Variants in EXOC4 observed in about 807,000 individuals in gnomAD.
EXOC4 encodes SEC8-like 1.
EXOC4 carries 71 observed loss-of-function variants against 107.2 expected under a neutral mutation model. The ratio of observed to expected loss-of-function variants is 0.66; its 90% CI spans 0.55 to 0.81. The LOEUF is 0.81. EXOC4 is among the 30% of genes least tolerant of loss of function. The pLI, the probability that EXOC4 is intolerant of heterozygous loss-of-function variation, is 0.00. For synonymous variants in EXOC4, 456 were observed against 441.2 expected, an observed-to-expected ratio of 1.03 and a Z score of -0.42; for missense variants, 1,108 against 1,189.6, an observed-to-expected ratio of 0.93 and a Z score of 1.01.
intron 5 of EXOC4, among the ~76,000 whole-genome samples, chr7:133,331,659 G>A (rs932239122): frequency 6.6e-6 from 1 of 151,828 alleles, no homozygotes; most frequent in African/African-American, 2.4e-5. Context: ...TAGAGACGGG[G>A]TTTCACCGTG....
intron 9 of EXOC4, among the ~76,000 whole-genome samples, chr7:133,485,594 A>G (rs1449775765): frequency 6.6e-6 from 1 of 152,084 alleles, no homozygotes; most frequent in Non-Finnish European, 1.5e-5. Flanking sequence ...AAATTTTCTC[A>G]TTGTACTTTT....
chr7:133,274,876 A>T (rs764754591), intron 1 of EXOC4, 106 bp from the exon 2 acceptor site: 40 of 838,118 alleles, frequency 4.8e-5, no homozygotes, highest in Admixed American at 2.4e-4. Flanking sequence ...AGTTAATAAG[A>T]TGAATGTGCT....
intron 9 of EXOC4, among the ~76,000 whole-genome samples, chr7:133,556,107 C>G (rs775535519): frequency 6.6e-6 from 1 of 152,310 alleles, no homozygotes; most frequent in South Asian, 2.1e-4. Flanking sequence ...CCTGACAGAT[C>G]ACCTCTCCAG....
At chr7:134,061,684 T>C (rs185368053) in intron 17 of EXOC4, among the ~76,000 whole-genome samples, 1 of 152,216 alleles carries the variant, frequency 6.6e-6, no homozygotes, top group Admixed American at 6.5e-5. Context: ...TGTATATTCT[T>C]AGGAAGTTCC....
chr7:133,346,275 T>C (rs974530577), intron 5 of EXOC4, among the ~76,000 whole-genome samples: 7 of 152,154 alleles, frequency 4.6e-5, no homozygotes, highest in Non-Finnish European at 4.4e-5. Context: ...ACCTGGCCTG[T>C]GGAGCGCATT....
intron 10 of EXOC4, among the ~76,000 whole-genome samples, chr7:133,814,225 G>A (rs1254159624): frequency 6.6e-6 from 1 of 151,998 alleles, no homozygotes; most frequent in Non-Finnish European, 1.5e-5. Context: ...AAACAAATGG[G>A]TATATAATTG....
At chr7:133,279,774 C>T (rs1584773173) in intron 2 of EXOC4, among the ~76,000 whole-genome samples, 1 of 152,156 alleles carries the variant, frequency 6.6e-6, no homozygotes, top group Non-Finnish European at 1.5e-5. Context: ...CTGCCTTGGT[C>T]TCCTAAAGTG....
intron 17 of EXOC4, among the ~76,000 whole-genome samples, chr7:134,053,901 C>G (rs1436181729): frequency 6.6e-6 from 1 of 151,920 alleles, no homozygotes; most frequent in East Asian, 1.9e-4. Flanking sequence ...ATTAATGTCA[C>G]TTCCTTGCTC....
Position 133,305,669 on chromosome 7 carries a change from T to C in EXOC4, c.472-208T>C, listed in dbSNP as rs139780553. On this transcript the variant is annotated intron_variant, in intron 3 of 17. Transcript: ENST00000253861. ...TGCTATGGTGGTGTGTATGCTTTCA[T>C]GTTTATCTTTGTCTAGATTGTTTTA... 2.6e-3 allele frequency among the ~76,000 whole-genome samples: 396 copies of C among 152,280 alleles called. 1 individual carries two copies. Among genetic ancestry groups the C allele is most frequent in the African/African-American group, 9.2e-3 (384 of 41,568 alleles).
chr7:133,551,682 A>G (rs568771184), intron 9 of EXOC4: 3 of 152,256 alleles, frequency 2.0e-5, no homozygotes, highest in Admixed American at 2.0e-4. Flanking sequence ...GGATCTCCAT[A>G]TGGTGCTGCT....
At chr7:133,568,238 T>C in intron 9 of EXOC4, among the ~76,000 whole-genome samples, 1 of 152,064 alleles carries the variant, frequency 6.6e-6, no homozygotes, top group Middle Eastern at 3.2e-3. Flanking sequence ...TACTGATTTC[T>C]AGGATTTTTT....
Position 133,922,675 on chromosome 7 carries a change from G to A in EXOC4, c.2027+4937G>A, listed in dbSNP as rs147008784. Among the ~76,000 whole-genome samples, 15 of 152,038 alleles carry A rather than the reference G, an allele frequency of 9.9e-5. No individual in the cohort carries two copies. The East Asian group carries it at 2.3e-3, about 24-fold the overall frequency. On this transcript the variant is annotated intron_variant, in intron 13 of 17. Transcript: ENST00000253861. Reference sequence around the variant, plus strand: ...ATCTTGCCTAACACGGTGAAACCCCGTCTCTACTAAAAATACAAAAAAATT... The same window carrying A: ...ATCTTGCCTAACACGGTGAAACCCCATCTCTACTAAAAATACAAAAAAATT...
chr7:133,417,658 C>T (rs1357560932), intron 7 of EXOC4, among the ~76,000 whole-genome samples: 2 of 152,126 alleles, frequency 1.3e-5, no homozygotes, highest in Non-Finnish European at 2.9e-5. Context: ...TGCCTCTGTA[C>T]TAGTGACATC....
intron 4 of EXOC4, among the ~76,000 whole-genome samples, chr7:133,307,045 A>C (rs893767343): frequency 6.6e-6 from 1 of 152,234 alleles, no homozygotes; most frequent in African/African-American, 2.4e-5. Flanking sequence ...AGGGCATTTC[A>C]GCACTATCTA....
Position 133,997,653 on chromosome 7 carries a change from A to T in EXOC4, c.2348+20A>T. 2 of 1,608,816 alleles carry T rather than the reference A, an allele frequency of 1.2e-6. No homozygotes were observed. ...AGTGAGGTATGATACAGCCAAGCCC[A>T]GGACCTTGCAATTTGAATGCACTGC... On this transcript the variant is annotated intron_variant, in intron 15 of 17. Coordinates refer to ENST00000253861, the MANE Select transcript of EXOC4 (RefSeq NM_021807.4).
At chr7:133,341,071 G>C (rs1167966387) in intron 5 of EXOC4, among the ~76,000 whole-genome samples, 2 of 151,920 alleles carry the variant, frequency 1.3e-5, no homozygotes, top group Non-Finnish European at 2.9e-5. Flanking sequence ...TCTGCAGCTG[G>C]GTTTGGGTTT....
At chr7:134,001,355 T>C (rs1585312762) in intron 15 of EXOC4, among the ~76,000 whole-genome samples, 1 of 152,168 alleles carries the variant, frequency 6.6e-6, no homozygotes, top group African/African-American at 2.4e-5. Context: ...TAATCAGCAG[T>C]GTTTGCAGAA....
chr7:133,948,056 A>G (rs796388069), intron 14 of EXOC4, among the ~76,000 whole-genome samples: 69 of 152,318 alleles, frequency 4.5e-4, no homozygotes, highest in African/African-American at 1.5e-3. Context: ...GACACCCAGC[A>G]CAGCAGAGAG....
chr7:133,573,837 C>T (rs1364879512), intron 9 of EXOC4, among the ~76,000 whole-genome samples: 3 of 152,176 alleles, frequency 2.0e-5, no homozygotes, highest in Non-Finnish European at 4.4e-5. Context: ...TCTTTAACTG[C>T]CAGCCTACGG....
Sources: gnomAD v4.1 joint callset for allele counts (sites outside exome capture counted in the v4.1 genomes callset) on GRCh38, gnomAD v4.1.1 for gene constraint, MANE v1.5 for transcripts, NCBI Gene and HGNC (gene_info 2026-07-23, HGNC 2026-07-21) for gene names.